The following NDUFAF2 variants were observed in gnomAD, a reference collection of about 807,000 sequenced individuals.
NDUFAF2 encodes the protein NADH dehydrogenase [ubiquinone] 1 alpha subcomplex assembly factor 2.
Under a neutral mutation model 22.8 loss-of-function variants are expected in NDUFAF2, and 13 were observed. The observed-to-expected ratio is 0.57, with a 90% CI of 0.37 to 0.91. NDUFAF2 has a LOEUF of 0.91. NDUFAF2 is among the 40% of genes least tolerant of loss of function. The probability of loss-of-function intolerance (pLI) is 0.01; values close to 1 mark genes in which losing one functional copy is unlikely to be tolerated. For missense variants in NDUFAF2, 162 were observed against 195.2 expected, an observed-to-expected ratio of 0.83 and a Z score of 1.01; for synonymous variants, 53 against 64.2, an observed-to-expected ratio of 0.83 and a Z score of 0.84.
intron 1 of NDUFAF2, among the ~76,000 whole-genome samples, chr5:61,024,130 A>G (rs1196935106): frequency 6.6e-6 from 1 of 152,184 alleles, no homozygotes; most frequent in African/African-American, 2.4e-5. Flanking sequence ...GGCTTGGACT[A>G]TACCATGTTA....
chr5:61,130,194 G>A (rs1753091425), intron 3 of NDUFAF2, among the ~76,000 whole-genome samples: 3 of 152,066 alleles, frequency 2.0e-5, no homozygotes, highest in Non-Finnish European at 2.9e-5. Flanking sequence ...TATCACTGTT[G>A]CTGAAACTTG....
chr5:61,024,512 A>G (rs936163602), intron 1 of NDUFAF2, among the ~76,000 whole-genome samples: 9 of 152,092 alleles, frequency 5.9e-5, no homozygotes, highest in African/African-American at 1.9e-4. Flanking sequence ...TCAAATAATT[A>G]TAAGACACGT....
At chr5:61,096,567 C>A (rs1752643287) in intron 2 of NDUFAF2, among the ~76,000 whole-genome samples, 1 of 146,478 alleles carries the variant, frequency 6.8e-6, no homozygotes, top group Non-Finnish European at 1.5e-5. Context: ...TCACTGCACT[C>A]CAGCCTGGCA....
intron 3 of NDUFAF2, among the ~76,000 whole-genome samples, chr5:61,149,336 C>G (rs562452591): frequency 9.9e-4 from 150 of 152,218 alleles, no homozygotes; most frequent in Non-Finnish European, 1.8e-3. Context: ...AAACATAATA[C>G]TGTTATGAGT....
intron 1 of NDUFAF2, among the ~76,000 whole-genome samples, chr5:60,981,843 T>C (rs547022978): frequency 2.6e-5 from 4 of 152,158 alleles, no homozygotes; most frequent in Non-Finnish European, 5.9e-5. Flanking sequence ...GCCAAGAACA[T>C]ACAGTGAGGA....
chr5:60,951,399 A>G (rs1266278425), intron 1 of NDUFAF2, among the ~76,000 whole-genome samples: 1 of 152,198 alleles, frequency 6.6e-6, no homozygotes, highest in Non-Finnish European at 1.5e-5. Flanking sequence ...TCGTTTGCAT[A>G]TTGAAGGACA....
At chr5:61,048,968 G>C (rs1214313494) in intron 1 of NDUFAF2, among the ~76,000 whole-genome samples, 1 of 152,068 alleles carries the variant, frequency 6.6e-6, no homozygotes, top group Non-Finnish European at 1.5e-5. Context: ...ACACAAACAT[G>C]CAAGGTAAAC....
At chr5:61,064,947 A>C (rs1187318743) in intron 1 of NDUFAF2, among the ~76,000 whole-genome samples, 1 of 152,030 alleles carries the variant, frequency 6.6e-6, no homozygotes, top group African/African-American at 2.4e-5. Context: ...TGGTTTTTTG[A>C]AAAACAAAAT....
intron 3 of NDUFAF2, 125 bp downstream of exon 3, chr5:61,099,157 A>G (rs1752677451): frequency 2.4e-6 from 1 of 408,500 alleles, no homozygotes. Context: ...AATAACTTAA[A>G]ACATTTTATA....
intron 1 of NDUFAF2, among the ~76,000 whole-genome samples, chr5:61,041,866 C>T (rs149421197): frequency 2.6e-5 from 4 of 152,270 alleles, no homozygotes; most frequent in East Asian, 1.9e-4. Flanking sequence ...CGCTTTCCAA[C>T]GATGCTTTCA....
At chr5:61,031,220 GTTT>G (rs1751719775) in intron 1 of NDUFAF2, among the ~76,000 whole-genome samples, 1 of 151,962 alleles carries the variant, frequency 6.6e-6, no homozygotes, top group Non-Finnish European at 1.5e-5. Context: ...AACGTTGCAG[GTTT>G]GTTACATAGG....
chr5:61,074,621 G>C (rs532060016), intron 2 of NDUFAF2, among the ~76,000 whole-genome samples: 1 of 148,310 alleles, frequency 6.7e-6, no homozygotes, highest in Non-Finnish European at 1.5e-5. Flanking sequence ...TTAGCCAGTC[G>C]TGGTGGCACA....
At chr5:60,987,474 A>G (rs543085795) in intron 1 of NDUFAF2, among the ~76,000 whole-genome samples, 1 of 152,274 alleles carries the variant, frequency 6.6e-6, no homozygotes, top group African/African-American at 2.4e-5. Flanking sequence ...ATACAACAAC[A>G]ACAATAGCAA....
At chr5:60,993,228 A>T (rs890620379) in intron 1 of NDUFAF2, among the ~76,000 whole-genome samples, 1 of 152,364 alleles carries the variant, frequency 6.6e-6, no homozygotes, top group Admixed American at 6.5e-5. Flanking sequence ...GGCAGCTTCC[A>T]TAGCTGTCAC....
At chr5:61,009,126 GAC>G (rs1447171807) in intron 1 of NDUFAF2, among the ~76,000 whole-genome samples, 1 of 151,948 alleles carries the variant, frequency 6.6e-6, no homozygotes, top group African/African-American at 2.4e-5. Flanking sequence ...AAAATCGAAA[GAC>G]AACATTCTGA....
In NDUFAF2 at chr5:60,983,946, G is replaced by A. The variant is rs1299311612; in HGVS notation, c.127+38564G>A. On this transcript the variant is annotated intron_variant, in intron 1 of 3. Coordinates refer to ENST00000296597, the MANE Select transcript of NDUFAF2 (RefSeq NM_174889.5). ...TTCCAATTCTGTAAAGAAAGTCATT[G>A]GTAGCTTGATGGGGATGGCATTGAA... 2.6e-5 allele frequency among the ~76,000 whole-genome samples: 4 copies of A among 152,096 alleles called. No homozygotes were observed. In the East Asian group the frequency reaches 5.8e-4, roughly 22 times the overall value.
At chr5:61,040,286 A>ACACACACACGCGCGCGCGCGCGCGCG (rs1491193758) in intron 1 of NDUFAF2, among the ~76,000 whole-genome samples, 2 of 93,072 alleles carry the variant, frequency 2.1e-5, no homozygotes, top group African/African-American at 8.7e-5. Flanking sequence ...ACACACACAC[A>ACACACACACGCGCGCGCGCGCGCGCG]CGCGCGCGCG....
intron 2 of NDUFAF2, among the ~76,000 whole-genome samples, chr5:61,085,632 A>G (rs1461583630): frequency 6.6e-6 from 1 of 152,226 alleles, no homozygotes; most frequent in Non-Finnish European, 1.5e-5. Flanking sequence ...TACAAAAAGT[A>G]CGTAAAAATT....
intron 3 of NDUFAF2, among the ~76,000 whole-genome samples, chr5:61,111,276 A>G (rs1446766177): frequency 6.6e-6 from 1 of 152,206 alleles, no homozygotes; most frequent in Admixed American, 6.5e-5. Context: ...AACGAGAAGC[A>G]TGTGCATTCT....
Sources: gnomAD v4.1 joint callset for allele counts (sites outside exome capture counted in the v4.1 genomes callset) on GRCh38, gnomAD v4.1.1 for gene constraint, MANE v1.5 for transcripts, NCBI Gene and HGNC (gene_info 2026-07-23, HGNC 2026-07-21) for gene names.